GALNTL6: variants seen among roughly 807,000 people sequenced by gnomAD.
The protein encoded by GALNTL6 is polypeptide N-acetylgalactosaminyltransferase-like 6.
A neutral mutation model predicts 73.7 loss-of-function variants in GALNTL6; 46 were observed. That is an observed-to-expected ratio of 0.62 (90% CI 0.49 to 0.80). The LOEUF is 0.80. Among genes scored for constraint, GALNTL6 ranks in the 30% least tolerant of loss-of-function variants. The pLI, the probability that GALNTL6 is intolerant of heterozygous loss-of-function variation, is 0.00. For synonymous variants in GALNTL6, 259 were observed against 263.7 expected (o/e 0.98, Z 0.17); for missense variants, 604 against 755.0 (o/e 0.80, Z 2.34).
chr4:172,167,112 A>ATAAT (rs1471246120), intron 2 of GALNTL6, among the ~76,000 whole-genome samples: 5 of 152,248 alleles, frequency 3.3e-5, no homozygotes, highest in Non-Finnish European at 5.9e-5. Context: ...TTCTGGCTGT[A>ATAAT]TAATTACCTG....
At chr4:172,108,824 C>G (rs1035164522) in intron 2 of GALNTL6, among the ~76,000 whole-genome samples, 5 of 151,808 alleles carry the variant, frequency 3.3e-5, no homozygotes, top group Non-Finnish European at 5.9e-5. Flanking sequence ...CCAGCTTGAC[C>G]AACATTGTGA....
At chr4:172,498,235 G>T (rs1370398784) in intron 5 of GALNTL6, among the ~76,000 whole-genome samples, 1 of 151,402 alleles carries the variant, frequency 6.6e-6, no homozygotes, top group African/African-American at 2.4e-5. Flanking sequence ...TGATCCATCT[G>T]CCTCAACCTC....
At chr4:172,944,219 A>G (rs1470402372) in intron 9 of GALNTL6, among the ~76,000 whole-genome samples, 1 of 152,216 alleles carries the variant, frequency 6.6e-6, no homozygotes, top group East Asian at 1.9e-4. Flanking sequence ...TGCAAATCAC[A>G]TTTCTGGCCA....
chr4:172,156,549 A>ATATATATATAG (rs1560945643), intron 2 of GALNTL6, among the ~76,000 whole-genome samples: 6 of 65,942 alleles, frequency 9.1e-5, no homozygotes, highest in African/African-American at 3.5e-4. Context: ...TAATATATAT[A>ATATATATATAG]TATATATATA....
intron 2 of GALNTL6, among the ~76,000 whole-genome samples, chr4:172,083,683 CT>C (rs1731947549): frequency 6.6e-6 from 1 of 152,130 alleles, no homozygotes; most frequent in South Asian, 2.1e-4. Flanking sequence ...TTCCTTATCC[CT>C]TTTCTCCTTT....
rs1365153018 is a variant in GALNTL6, at chr4:172,809,980, A to G, written c.739+434A>G. 1.3e-5 allele frequency among the ~76,000 whole-genome samples: 2 copies of G among 152,000 alleles called. No homozygotes were observed. Among genetic ancestry groups the G allele is most frequent in the African/African-American group, 4.8e-5 (2 of 41,372 alleles). ...AACAAGTATTACAGGATTGTTAAGA[A>G]AAGAGGAAGGAAAATTATTCATCCC... On this transcript the variant is annotated intron_variant, in intron 6 of 12. Coordinates refer to ENST00000506823, the MANE Select transcript of GALNTL6 (RefSeq NM_001034845.3). The surrounding 1 kb of genome is among the most constrained non-coding windows in gnomAD (Gnocchi z 4.4).
intron 2 of GALNTL6, among the ~76,000 whole-genome samples, chr4:172,039,999 C>A (rs114931386): frequency 6.6e-6 from 1 of 151,802 alleles, no homozygotes; most frequent in East Asian, 1.9e-4. Context: ...TTTGATTAAA[C>A]GAACAAACAA....
At chr4:172,766,139 G>A (rs189004188) in intron 5 of GALNTL6, among the ~76,000 whole-genome samples, 5 of 152,180 alleles carry the variant, frequency 3.3e-5, no homozygotes, top group Admixed American at 2.0e-4. Flanking sequence ...TTCCTCTGTT[G>A]CCTCTCTCTT....
intron 2 of GALNTL6, among the ~76,000 whole-genome samples, chr4:171,991,920 A>G (rs1740348885): frequency 6.6e-6 from 1 of 151,848 alleles, no homozygotes; most frequent in Non-Finnish European, 1.5e-5. Context: ...CAAATAAAAA[A>G]ATCCATAAAA....
chr4:172,760,186 G>A (rs2110820235), intron 5 of GALNTL6, among the ~76,000 whole-genome samples: 1 of 152,278 alleles, frequency 6.6e-6, no homozygotes. Context: ...AATGGGGCCA[G>A]TCAACCACCC....
chr4:172,454,514 T>C (rs1732321642), intron 5 of GALNTL6, among the ~76,000 whole-genome samples: 1 of 152,238 alleles, frequency 6.6e-6, no homozygotes, highest in Non-Finnish European at 1.5e-5. Flanking sequence ...CCTTCTGGGC[T>C]CTTGCCAAAT....
intron 5 of GALNTL6, among the ~76,000 whole-genome samples, chr4:172,389,699 TC>T (rs1366453823): frequency 6.6e-6 from 1 of 152,128 alleles, no homozygotes; most frequent in Non-Finnish European, 1.5e-5. Flanking sequence ...TATTTCTTAA[TC>T]AATAAAAGAA....
chr4:172,974,786 C>T (rs1750732169), intron 10 of GALNTL6, among the ~76,000 whole-genome samples: 2 of 152,250 alleles, frequency 1.3e-5, no homozygotes, highest in South Asian at 4.1e-4. Flanking sequence ...TGTGTAAAGC[C>T]AGGCATGCCG....
intron 2 of GALNTL6, among the ~76,000 whole-genome samples, chr4:171,850,772 G>T (rs949232247): frequency 2.6e-5 from 4 of 152,208 alleles, no homozygotes; most frequent in African/African-American, 9.6e-5. Flanking sequence ...TTATGGCTAG[G>T]CACTCAGTTT....
At chr4:172,798,265 C>T (rs1740394641) in intron 5 of GALNTL6, among the ~76,000 whole-genome samples, 1 of 152,122 alleles carries the variant, frequency 6.6e-6, no homozygotes, top group Non-Finnish European at 1.5e-5. Flanking sequence ...GGGTCCCCAC[C>T]CAAATCTCAT....
At chr4:172,763,091 C>T (rs527697798) in intron 5 of GALNTL6, among the ~76,000 whole-genome samples, 4 of 151,870 alleles carry the variant, frequency 2.6e-5, no homozygotes, top group African/African-American at 9.7e-5. Context: ...TGTCATCATA[C>T]ATCCAGATAG....
chr4:172,636,406 G>A (rs868390223), intron 5 of GALNTL6, among the ~76,000 whole-genome samples: 9 of 152,176 alleles, frequency 5.9e-5, no homozygotes, highest in African/African-American at 1.7e-4. Flanking sequence ...CATGGCAAAA[G>A]GGACTTTACA....
intron 2 of GALNTL6, among the ~76,000 whole-genome samples, chr4:172,124,937 A>G (rs1733254433): frequency 6.6e-6 from 1 of 152,214 alleles, no homozygotes; most frequent in Admixed American, 6.5e-5. Flanking sequence ...AGAGCACAGA[A>G]TGAATTTATG....
intron 2 of GALNTL6, among the ~76,000 whole-genome samples, chr4:171,877,219 TG>T (rs1736303212): frequency 6.6e-6 from 1 of 152,190 alleles, no homozygotes; most frequent in Non-Finnish European, 1.5e-5. Context: ...CAAAATGTTC[TG>T]GAAACTACAT....
Sources: allele counts gnomAD v4.1 joint callset (sites outside exome capture counted in the v4.1 genomes callset), GRCh38; gene constraint gnomAD v4.1.1; non-coding constraint Gnocchi (gnomAD v3.1); transcripts MANE v1.5; gene names NCBI Gene and HGNC (gene_info 2026-07-23, HGNC 2026-07-21).